ADAMTSL1: variants seen among roughly 807,000 people sequenced by gnomAD.
ADAMTSL1 encodes the protein ADAMTS like 1, also known as ADAMTS-like protein 1.
In ADAMTSL1, 126 loss-of-function variants were observed where a neutral mutation model predicts 201.8. The observed-to-expected ratio is 0.62, with a 90% CI of 0.54 to 0.72. ADAMTSL1 has a LOEUF of 0.72. Among genes scored for constraint, ADAMTSL1 ranks in the 30% least tolerant of loss-of-function variants. ADAMTSL1 has a pLI of 0.00. For synonymous variants in ADAMTSL1, 1,121 were observed against 903.4 expected (o/e 1.24, Z -4.32); for missense variants, 2,679 against 2,277.8 (o/e 1.18, Z -3.59).
chr9:18,301,011 G>T (rs1423012658), intron 2 of ADAMTSL1, among the ~76,000 whole-genome samples: 3 of 152,152 alleles, frequency 2.0e-5, no homozygotes, highest in African/African-American at 4.8e-5. Context: ...GGAGTGGAAA[G>T]TTAAGAAAAA....
At chr9:18,887,765 A>T in intron 23 of ADAMTSL1, 66 bp from the exon 24 acceptor site, 1 of 1,409,476 alleles carries the variant, frequency 7.1e-7, no homozygotes, top group Non-Finnish European at 9.9e-7. Context: ...CAGACAGTAA[A>T]CCAGTGCACC....
intron 15 of ADAMTSL1, among the ~76,000 whole-genome samples, chr9:18,738,698 G>A (rs766920459): frequency 5.3e-5 from 8 of 152,182 alleles, no homozygotes; most frequent in Non-Finnish European, 1.2e-4. Flanking sequence ...GTGGCCTACA[G>A]AATGTGAGGC....
chr9:18,573,543 A>G (rs1822479181), intron 3 of ADAMTSL1, among the ~76,000 whole-genome samples: 1 of 152,178 alleles, frequency 6.6e-6, no homozygotes, highest in Admixed American at 6.5e-5. Flanking sequence ...AAAAATTACA[A>G]CTCCACAAAA....
intron 2 of ADAMTSL1, among the ~76,000 whole-genome samples, chr9:18,220,219 T>G (rs907561561): frequency 6.6e-6 from 1 of 152,144 alleles, no homozygotes; most frequent in African/African-American, 2.4e-5. Flanking sequence ...CAGTTTTCCA[T>G]TATGATGGTG....
chr9:18,331,768 T>C (rs959466247), intron 2 of ADAMTSL1, among the ~76,000 whole-genome samples: 1 of 152,234 alleles, frequency 6.6e-6, no homozygotes, highest in African/African-American at 2.4e-5. Context: ...AGAGTTTTAG[T>C]AGCTATGCAT....
chr9:18,544,352 A>C lies in ADAMTSL1; in HGVS notation c.237+11060A>C, dbSNP rs146977132. On this transcript the variant is annotated intron_variant, in intron 3 of 28. Transcript: ENST00000380548. ...AAAGTTATATTCCTTGGCTAAGGACAATTTCACTCTTGTTCATAACTCAAG... is the reference window on the plus strand; with the variant it reads ...AAAGTTATATTCCTTGGCTAAGGACCATTTCACTCTTGTTCATAACTCAAG... Among the ~76,000 whole-genome samples the C allele has an allele frequency of 9.8e-5, 15 of 152,326 alleles. No homozygotes were observed. The East Asian group carries it at 2.9e-3, about 29-fold the overall frequency.
At chr9:18,851,891 A>C (rs1826517980) in intron 23 of ADAMTSL1, among the ~76,000 whole-genome samples, 1 of 152,146 alleles carries the variant, frequency 6.6e-6, no homozygotes, top group Non-Finnish European at 1.5e-5. Flanking sequence ...CCAGCTCCTG[A>C]GATTTTATCA....
intron 1 of ADAMTSL1, among the ~76,000 whole-genome samples, chr9:18,124,539 T>A (rs1825655970): frequency 6.6e-6 from 1 of 152,210 alleles, no homozygotes; most frequent in Admixed American, 6.6e-5. Flanking sequence ...GGCTCTCTTT[T>A]TACTTTGTTG....
chr9:17,922,514 CG>C (rs1563896935), intron 1 of ADAMTSL1, among the ~76,000 whole-genome samples: 1 of 152,104 alleles, frequency 6.6e-6, no homozygotes, highest in East Asian at 1.9e-4. Flanking sequence ...CGTTTATTAC[CG>C]GTACCCCCTC....
chr9:18,136,001 C>G (rs769496812), intron 1 of ADAMTSL1, among the ~76,000 whole-genome samples: 23 of 152,136 alleles, frequency 1.5e-4, no homozygotes, highest in Non-Finnish European at 2.8e-4. Context: ...CATTTATTTG[C>G]TCAGGATCAT....
intron 4 of ADAMTSL1, among the ~76,000 whole-genome samples, chr9:18,607,567 T>A (rs1449851708): frequency 1.6e-5 from 2 of 122,286 alleles, no homozygotes; most frequent in African/African-American, 5.6e-5. Context: ...ATTTTCATAA[T>A]TTCTTTTATT....
In ADAMTSL1 at chr9:18,905,864, C is replaced by T; in HGVS notation, c.4934C>T (p.Pro1645Leu). Reference sequence around the variant, plus strand: ...CAGACACGGGATGGCATCACCTTACCATCAGAGCAGTGCAGTGCTCTTCCG... The same window carrying T: ...CAGACACGGGATGGCATCACCTTACTATCAGAGCAGTGCAGTGCTCTTCCG... ...FCQTRDGITL[P>L]SEQCSALPRP... is the part of the protein sequence containing the mutation. Residue 1645 changes from proline to leucine, a missense_variant, in exon 27 of 29, where the codon CCA becomes CTA. Physicochemically the swap from Pro to Leu is moderately conservative, Grantham distance 98. Coordinates refer to ENST00000380548, the MANE Select transcript of ADAMTSL1 (RefSeq NM_001040272.6). 3 of 1,613,108 alleles carry T rather than the reference C, an allele frequency of 1.9e-6. No homozygotes were observed. Among genetic ancestry groups the T allele is most frequent in the Non-Finnish European group, 2.5e-6 (3 of 1,179,536 alleles).
In ADAMTSL1 at chr9:18,341,237, C is replaced by G. The variant is rs1835452997; in HGVS notation, c.208-163592C>G. 2.0e-5 allele frequency among the ~76,000 whole-genome samples: 3 copies of G among 152,116 alleles called. No individual in the cohort carries two copies. The South Asian group carries it at 6.2e-4, about 32-fold the overall frequency. ...CTGCTCATCTTCTCAGTTTTATTCT[C>G]TATACTCCTCTTTCAGGCTCTCTGG... On this transcript the variant is annotated intron_variant, in intron 2 of 29. Transcript: ENST00000680146.
intron 1 of ADAMTSL1, among the ~76,000 whole-genome samples, chr9:17,913,733 G>A (rs1163645871): frequency 6.6e-6 from 1 of 152,156 alleles, no homozygotes; most frequent in African/African-American, 2.4e-5. Context: ...GAATCCAGGA[G>A]CTGGTTTTTT....
chr9:18,908,253 G>C (rs952290327), intron 28 of ADAMTSL1, 189 bp from the exon 29 acceptor site: 3 of 612,490 alleles, frequency 4.9e-6, no homozygotes, highest in African/African-American at 3.6e-5. Context: ...CACCCCTGCT[G>C]TTGGCAGCCT....
intron 19 of ADAMTSL1, among the ~76,000 whole-genome samples, chr9:18,788,906 G>T (rs1260204401): frequency 6.6e-6 from 1 of 151,016 alleles, no homozygotes; most frequent in African/African-American, 2.4e-5. Flanking sequence ...TCAGTATTTG[G>T]TTATTGGTGT....
intron 9 of ADAMTSL1, among the ~76,000 whole-genome samples, chr9:18,672,910 C>T (rs75156166): frequency 0.075 from 11,418 of 152,182 alleles, 581 homozygotes; most frequent in South Asian, 0.2. Flanking sequence ...ACCACAACCC[C>T]TGATGATGGG....
intron 26 of ADAMTSL1, among the ~76,000 whole-genome samples, chr9:18,894,642 G>C (rs1269775204): frequency 1.3e-5 from 2 of 152,092 alleles, no homozygotes; most frequent in Non-Finnish European, 2.9e-5. Context: ...GTGGATTGTT[G>C]CTATATGGAA....
intron 21 of ADAMTSL1, among the ~76,000 whole-genome samples, chr9:18,825,680 G>A (rs1401888138): frequency 2.6e-5 from 4 of 151,238 alleles, no homozygotes; most frequent in African/African-American, 4.9e-5. Context: ...ACAGAGCATC[G>A]CCAGTGGCCA....
Sources: allele counts gnomAD v4.1 joint callset (sites outside exome capture counted in the v4.1 genomes callset), GRCh38; gene constraint gnomAD v4.1.1; transcripts MANE v1.5; gene names NCBI Gene and HGNC (gene_info 2026-07-23, HGNC 2026-07-21).